The following NPAS3 variants were observed in gnomAD, a reference collection of about 807,000 sequenced individuals.
The protein encoded by NPAS3 is neuronal PAS domain-containing protein 3.
A neutral mutation model predicts 73.1 loss-of-function variants in NPAS3; 14 were observed. That is an observed-to-expected ratio of 0.19 (90% CI 0.13 to 0.30). The LOEUF is 0.30. Ranked by LOEUF, NPAS3 falls within the 10% of genes least tolerant of loss-of-function variation. The pLI, the probability that NPAS3 is intolerant of heterozygous loss-of-function variation, is 1.00. For synonymous variants in NPAS3, 620 were observed against 541.5 expected (o/e 1.14, Z -2.01); for missense variants, 1,096 against 1,250.0 (o/e 0.88, Z 1.86).
In NPAS3 at chr14:33,381,758, G is replaced by A. The variant is rs370739732; in HGVS notation, c.468+14490G>A. Among the ~76,000 whole-genome samples the A allele has an allele frequency of 1.2e-3, 180 of 152,272 alleles. 3 individuals are homozygous for A. Among genetic ancestry groups the A allele is most frequent in the South Asian group, 9.3e-3 (45 of 4,824 alleles). On this transcript the variant is annotated intron_variant, in intron 4 of 11. Transcript: ENST00000356141. ...TTTCAATGGAAACAAGAGGACATGC[G>A]CTTTTGTTTAATAAAGAAATATTTG...
chr14:33,287,571 A>G (rs2041928457), intron 3 of NPAS3, among the ~76,000 whole-genome samples: 1 of 151,994 alleles, frequency 6.6e-6, no homozygotes, highest in Non-Finnish European at 1.5e-5. Context: ...TAAATTACTA[A>G]TTCTCTCCAT....
intron 4 of NPAS3, among the ~76,000 whole-genome samples, chr14:33,441,902 C>T (rs1303003378): frequency 6.6e-6 from 1 of 152,142 alleles, no homozygotes; most frequent in African/African-American, 2.4e-5. Context: ...GGGAAAGACC[C>T]TCCCCCATGA....
chr14:32,989,109 AT>A (rs150120791), intron 1 of NPAS3, among the ~76,000 whole-genome samples: 4,776 of 152,270 alleles, frequency 0.031, 256 homozygotes, highest in African/African-American at 0.11. Context: ...GGTAGAGGAT[AT>A]TCTGGTGGCA....
chr14:32,962,441 G>A (rs545934953), intron 1 of NPAS3, among the ~76,000 whole-genome samples: 8 of 152,026 alleles, frequency 5.3e-5, no homozygotes, highest in African/African-American at 1.2e-4. Flanking sequence ...AAATGGTAGC[G>A]TATTAAATGC....
chr14:33,702,841 G>A (rs2060558071), intron 6 of NPAS3, among the ~76,000 whole-genome samples: 1 of 152,154 alleles, frequency 6.6e-6, no homozygotes, highest in Non-Finnish European at 1.5e-5. Context: ...TGAGGGAGCT[G>A]GGGGTGCGAG....
intron 3 of NPAS3, among the ~76,000 whole-genome samples, chr14:33,263,663 C>T (rs2049059378): frequency 6.6e-6 from 1 of 152,074 alleles, no homozygotes; most frequent in African/African-American, 2.4e-5. Flanking sequence ...TGAAGAAAGT[C>T]ATTGGTAGCT....
At chr14:33,558,845 G>T (rs1303011109) in intron 4 of NPAS3, among the ~76,000 whole-genome samples, 2 of 125,528 alleles carry the variant, frequency 1.6e-5, no homozygotes, top group Non-Finnish European at 3.2e-5. Context: ...GCAAATTCAC[G>T]GCCTTTTTTT....
chr14:33,369,594 T>G (rs1161361592), intron 4 of NPAS3, among the ~76,000 whole-genome samples: 1 of 150,870 alleles, frequency 6.6e-6, no homozygotes, highest in Non-Finnish European at 1.5e-5. Context: ...GATGGCTTGG[T>G]AAAGATGCTT....
chr14:33,420,837 G>A (rs1005274814), intron 4 of NPAS3, among the ~76,000 whole-genome samples: 5 of 151,838 alleles, frequency 3.3e-5, no homozygotes, highest in African/African-American at 1.2e-4. Flanking sequence ...ATAGATTCAT[G>A]CCATCAGAAG....
At chr14:33,646,046 G>C (rs2058820430) in intron 5 of NPAS3, among the ~76,000 whole-genome samples, 1 of 152,210 alleles carries the variant, frequency 6.6e-6, no homozygotes. Context: ...GATGAAAGGT[G>C]CAAGTGCTGT....
chr14:33,546,345 C>G, intron 4 of NPAS3, among the ~76,000 whole-genome samples: 1 of 152,236 alleles, frequency 6.6e-6, no homozygotes, highest in East Asian at 1.9e-4. Context: ...CACCGCAACA[C>G]TTCCTCTACC....
intron 3 of NPAS3, among the ~76,000 whole-genome samples, chr14:33,361,187 G>A (rs886321667): frequency 3.9e-5 from 6 of 152,326 alleles, no homozygotes; most frequent in African/African-American, 9.6e-5. Context: ...GGTAGGCGAA[G>A]TGAATCTTTA....
intron 7 of NPAS3, among the ~76,000 whole-genome samples, chr14:33,771,324 A>G (rs1168186911): frequency 6.6e-6 from 1 of 152,188 alleles, no homozygotes; most frequent in Non-Finnish European, 1.5e-5. Context: ...TCAAACCCAC[A>G]CATACACACA....
chr14:33,583,540 T>A (rs758018034), intron 5 of NPAS3: 4 of 152,220 alleles, frequency 2.6e-5, no homozygotes, highest in Non-Finnish European at 2.9e-5. Context: ...GATGAGCTAA[T>A]GGCATACCAG....
At chr14:33,180,207 G>A (rs1024019545) in intron 2 of NPAS3, among the ~76,000 whole-genome samples, 7 of 151,584 alleles carry the variant, frequency 4.6e-5, no homozygotes, top group East Asian at 1.9e-4. Context: ...CCCAACTCTC[G>A]TACCTGGCTA....
At chr14:33,713,975 G>A (rs949071224) in intron 6 of NPAS3, among the ~76,000 whole-genome samples, 2 of 151,830 alleles carry the variant, frequency 1.3e-5, no homozygotes, top group Non-Finnish European at 2.9e-5. Context: ...CTTCTTCCTG[G>A]AACACTATCT....
At chr14:33,773,851 T>C (rs957935032) in intron 7 of NPAS3, among the ~76,000 whole-genome samples, 1 of 152,162 alleles carries the variant, frequency 6.6e-6, no homozygotes, top group African/African-American at 2.4e-5. Flanking sequence ...TGCCACTGAG[T>C]GTTTTATTCA....
At chr14:33,386,337 T>C (rs2046774958) in intron 4 of NPAS3, among the ~76,000 whole-genome samples, 1 of 152,202 alleles carries the variant, frequency 6.6e-6, no homozygotes, top group Non-Finnish European at 1.5e-5. Context: ...TCAAGGAGAA[T>C]GATTCAGCAC....
At chr14:33,767,599 C>CTTTTTTTTTT (rs10711937) in intron 7 of NPAS3, among the ~76,000 whole-genome samples, 1 of 138,656 alleles carries the variant, frequency 7.2e-6, no homozygotes, top group Non-Finnish European at 1.5e-5. Flanking sequence ...GGACTCTTGT[C>CTTTTTTTTTT]TTTTTTTTTT....
Sources: gnomAD v4.1 joint callset for allele counts (sites outside exome capture counted in the v4.1 genomes callset) on GRCh38, gnomAD v4.1.1 for gene constraint, MANE v1.5 for transcripts, NCBI Gene and HGNC (gene_info 2026-07-23, HGNC 2026-07-21) for gene names.